Variants in LMCD1 observed in about 807,000 individuals in gnomAD.
The protein encoded by LMCD1 is LIM and cysteine-rich domains protein 1.
A neutral mutation model predicts 42.7 loss-of-function variants in LMCD1; 32 were observed. The observed-to-expected ratio is 0.75, with a 90% CI of 0.57 to 1.01. LMCD1 has a LOEUF of 1.01. LMCD1 is among the 50% of genes least tolerant of loss of function. LMCD1 has a pLI of 0.00. For missense variants in LMCD1, 458 were observed against 483.1 expected (o/e 0.95, Z 0.49); for synonymous variants, 178 against 184.9 (o/e 0.96, Z 0.30).
intron 4 of LMCD1, among the ~76,000 whole-genome samples, chr3:8,561,381 GTTT>G (rs5846603): frequency 0.034 from 4,896 of 144,660 alleles, 85 homozygotes; most frequent in Non-Finnish European, 0.043. Flanking sequence ...TGAGCACAGA[GTTT>G]TTTTTTTTTT....
At chr3:8,540,107 C>G (rs919233795) in intron 3 of LMCD1, among the ~76,000 whole-genome samples, 2 of 152,032 alleles carry the variant, frequency 1.3e-5, no homozygotes, top group Admixed American at 1.3e-4. Flanking sequence ...TGGAAACCAT[C>G]ATTCTGAGCA....
intron 1 of LMCD1, among the ~76,000 whole-genome samples, chr3:8,521,756 C>T (rs1268677178): frequency 6.6e-6 from 1 of 152,130 alleles, no homozygotes; most frequent in African/African-American, 2.4e-5. Flanking sequence ...TGTCTTCTCC[C>T]TTATGCCAAG....
At chr3:8,502,359 ATATT>A (rs1693764031) in intron 1 of LMCD1, among the ~76,000 whole-genome samples, 2 of 89,946 alleles carry the variant, frequency 2.2e-5, no homozygotes, top group East Asian at 6.4e-4. Flanking sequence ...TATATAATAT[ATATT>A]ATATAAAATA....
chr3:8,550,420 C>G, intron 4 of LMCD1: 1 of 984,560 alleles, frequency 1.0e-6, no homozygotes, highest in South Asian at 4.7e-5. Context: ...CAGGGAAATG[C>G]CAGCCCAAAC....
chr3:8,531,745 A>T (rs1033513877), intron 1 of LMCD1, among the ~76,000 whole-genome samples: 1 of 152,184 alleles, frequency 6.6e-6, no homozygotes, highest in Non-Finnish European at 1.5e-5. Context: ...CCTGAGTCTT[A>T]TGTTGTATTC....
chr3:8,542,533 G>T (rs949346057), intron 3 of LMCD1, among the ~76,000 whole-genome samples: 1 of 152,174 alleles, frequency 6.6e-6, no homozygotes, highest in Non-Finnish European at 1.5e-5. Flanking sequence ...GAAGAAAAGG[G>T]TGCAGGCCCT....
chr3:8,569,980 C>CAAA lies in LMCD1; in HGVS notation c.*2395_*2397dup, dbSNP rs57776112. ...GGGTGACAGAGTGAGACCCTGTTTC[C>CAAA]AAAAAAAAAAAAAAAGGATAGGTTG... On this transcript the variant is annotated 3_prime_UTR_variant, in exon 6 of 6. Coordinates refer to ENST00000157600, the MANE Select transcript of LMCD1 (RefSeq NM_014583.4). The CAAA allele has an allele frequency of 0.39, 53,774 of 137,952 alleles. 10,268 individuals are homozygous for CAAA. Among genetic ancestry groups the CAAA allele is most frequent in the Middle Eastern group, 0.5 (137 of 274 alleles). The allele number at this position is 137,952 out of a possible 1,614,324, so 8.5% of individuals were successfully genotyped here.
chr3:8,537,445 G>A lies in LMCD1; in HGVS notation c.387+5G>A, dbSNP rs1459024655. ...CCTGGAGTCACCCAGAAACTGGTAA[G>A]AGAGCTTCCCCAACCAAGCAGTTGT... On this transcript the variant is annotated splice_donor_5th_base_variant and intron_variant, in intron 3 of 5. Transcript: ENST00000157600. 1 of 1,561,036 alleles carries A rather than the reference G, an allele frequency of 6.4e-7. No homozygotes were observed. Among genetic ancestry groups the A allele is most frequent in the South Asian group, 1.2e-5 (1 of 82,650 alleles).
chr3:8,508,945 C>T lies in LMCD1; in HGVS notation c.42+6965C>T, dbSNP rs538833314. Among the ~76,000 whole-genome samples the T allele has an allele frequency of 5.3e-5, 8 of 152,332 alleles. No homozygotes were observed. In the East Asian group the frequency reaches 1.3e-3, roughly 26 times the overall value. On this transcript the variant is annotated intron_variant, in intron 1 of 5. Coordinates refer to ENST00000157600, the MANE Select transcript of LMCD1 (RefSeq NM_014583.4). ...CTTCGAGGAGCCGTTAAACACACAA[C>T]ATTTGCAAGCACAAAGATCTAGATG...
intron 4 of LMCD1, among the ~76,000 whole-genome samples, chr3:8,562,315 C>G (rs1574976211): frequency 6.6e-6 from 1 of 152,338 alleles, no homozygotes; most frequent in South Asian, 2.1e-4. Flanking sequence ...TGCTTCTCAC[C>G]TCTAGCCATT....
At position 8,501,981 on chromosome 3, in the gene LMCD1, G is replaced by A. The variant is rs761639280; in HGVS notation, c.42+1G>A. On this transcript the variant is annotated splice_donor_variant, in intron 1 of 5. Transcript: ENST00000157600. LOFTEE classifies it high-confidence loss of function. ...GGACCTCAACCCAGGAGTTAAAAAGGTGAGTGGAAAGCTGTTTGTATTTAC... is the reference window on the plus strand; with the variant it reads ...GGACCTCAACCCAGGAGTTAAAAAGATGAGTGGAAAGCTGTTTGTATTTAC... 4 of 1,590,740 alleles carry A rather than the reference G, an allele frequency of 2.5e-6. No homozygotes were observed. Among genetic ancestry groups the A allele is most frequent in the Non-Finnish European group, 2.6e-6 (3 of 1,169,978 alleles).
In LMCD1 at chr3:8,573,021, AC is replaced by A. The variant is rs1695243397; in HGVS notation, c.*5424del. 1 of 152,214 alleles carries A rather than the reference AC, an allele frequency of 6.6e-6. No homozygotes were observed. Among genetic ancestry groups the A allele is most frequent in the Admixed American group, 6.5e-5 (1 of 15,278 alleles). The allele number at this position is 152,214 out of a possible 1,614,324, so 9.4% of individuals were successfully genotyped here. A position where few individuals can be genotyped will look rare whatever the true frequency, so the allele number is the denominator to read the frequency against. On this transcript the variant is annotated 3_prime_UTR_variant, in exon 6 of 6. Transcript: ENST00000157600. ...CCAGGTACTAAGTTATGTCATGGAGACAGTGAACTAACCTCTGGACTGCTTG... is the reference window on the plus strand; with the variant it reads ...CCAGGTACTAAGTTATGTCATGGAGAAGTGAACTAACCTCTGGACTGCTTG...
Position 8,567,475 on chromosome 3 carries a change from T to G in LMCD1, c.975T>G (p.Asp325Glu), listed in dbSNP as rs1007069321. ...CTGAGGACTACCAGCGTGTGGAAGATCTGGCCTGGCACCGAAAGCACTTTG... is the reference window on the plus strand; with the variant it reads ...CTGAGGACTACCAGCGTGTGGAAGAGCTGGCCTGGCACCGAAAGCACTTTG... The part of the protein sequence containing the change: ...IFAEDYQRVE[D>E]LAWHRKHFVC... Residue 325 changes from aspartate to glutamate, a missense_variant, in exon 6 of 6, where the codon GAT becomes GAG. Coordinates refer to ENST00000157600, the MANE Select transcript of LMCD1 (RefSeq NM_014583.4). 6.2e-7 allele frequency: 1 copy of G among 1,613,868 alleles called. No homozygotes were observed. Among genetic ancestry groups the G allele is most frequent in the Non-Finnish European group, 8.5e-7 (1 of 1,179,996 alleles).
chr3:8,510,995 T>G lies in LMCD1; in HGVS notation c.42+9015T>G, dbSNP rs181214103. On this transcript the variant is annotated intron_variant, in intron 1 of 5. Coordinates refer to ENST00000157600, the MANE Select transcript of LMCD1 (RefSeq NM_014583.4). ...AAACATATATGCACACACATACAGC[T>G]GTAGTGGATTGAGGTCTGAGGCTCT... Among the ~76,000 whole-genome samples the G allele has an allele frequency of 9.2e-4, 140 of 152,272 alleles. 1 individual carries two copies. The highest frequency in any genetic ancestry group is 1.5e-3 in the Admixed American group (23 of 15,298).
chr3:8,550,649 T>C (rs552268683), intron 4 of LMCD1: 3 of 985,056 alleles, frequency 3.0e-6, no homozygotes, highest in African/African-American at 3.5e-5. Flanking sequence ...AAGGCCCATT[T>C]CTCAGGAAGA....
At chr3:8,553,275 C>T in intron 4 of LMCD1, among the ~76,000 whole-genome samples, 1 of 152,174 alleles carries the variant, frequency 6.6e-6, no homozygotes, top group East Asian at 1.9e-4. Flanking sequence ...TGGGGGACGT[C>T]CTTCCTCTGA....
At chr3:8,505,742 T>C (rs1347374433) in intron 1 of LMCD1, among the ~76,000 whole-genome samples, 7 of 152,248 alleles carry the variant, frequency 4.6e-5, no homozygotes, top group South Asian at 2.1e-4. Flanking sequence ...TCCATGCTTC[T>C]CTACATCACA....
intron 1 of LMCD1, among the ~76,000 whole-genome samples, chr3:8,505,670 C>T (rs1693864744): frequency 1.3e-5 from 2 of 152,254 alleles, no homozygotes; most frequent in African/African-American, 4.8e-5. Flanking sequence ...CAACACAATG[C>T]CCAAGGGGCA....
At chr3:8,521,236 G>A (rs911227343) in intron 1 of LMCD1, among the ~76,000 whole-genome samples, 1 of 152,052 alleles carries the variant, frequency 6.6e-6, no homozygotes, top group African/African-American at 2.4e-5. Flanking sequence ...CTTCGTGTTC[G>A]CCCTGCCAAC....
Sources: allele counts gnomAD v4.1 joint callset (sites outside exome capture counted in the v4.1 genomes callset), GRCh38; gene constraint gnomAD v4.1.1; transcripts MANE v1.5; gene names NCBI Gene and HGNC (gene_info 2026-07-23, HGNC 2026-07-21).